Variants in PRUNE2 observed in about 807,000 individuals in gnomAD.
PRUNE2 encodes prune homolog 2 with BCH domain, also known as protein prune homolog 2.
Under a neutral mutation model 252.0 loss-of-function variants are expected in PRUNE2, and 164 were observed. That is an observed-to-expected ratio of 0.65 (90% confidence interval 0.57 to 0.74). The LOEUF is 0.74. Among genes scored for constraint, PRUNE2 ranks in the 30% least tolerant of loss-of-function variants. The pLI is 0.00. For missense variants in PRUNE2, 3,495 were observed against 3,711.0 expected, an observed-to-expected ratio of 0.94 and a Z score of 1.51; for synonymous variants, 1,292 against 1,350.2, an observed-to-expected ratio of 0.96 and a Z score of 0.94.
intron 9 of PRUNE2, among the ~76,000 whole-genome samples, chr9:76,658,119 G>A (rs1391763971): frequency 6.6e-6 from 1 of 152,224 alleles, no homozygotes; most frequent in Non-Finnish European, 1.5e-5. Context: ...AGCACTTTGG[G>A]AGGCTGAGGC....
At chr9:76,624,429 G>A (rs745517458) in intron 17 of PRUNE2, 23 bp downstream of exon 17, 17 of 1,400,574 alleles carry the variant, frequency 1.2e-5, no homozygotes, top group South Asian at 3.7e-5. Flanking sequence ...CATGCCAGCC[G>A]CTAAACGAAA....
intron 9 of PRUNE2, among the ~76,000 whole-genome samples, chr9:76,694,009 A>G (rs1259200198): frequency 6.6e-6 from 1 of 152,108 alleles, no homozygotes; most frequent in Non-Finnish European, 1.5e-5. Flanking sequence ...ATAACTTCGG[A>G]GCTGGTTGTA....
At chr9:76,863,887 T>C (rs1191393380) in intron 1 of PRUNE2, among the ~76,000 whole-genome samples, 1 of 152,192 alleles carries the variant, frequency 6.6e-6, no homozygotes, top group Non-Finnish European at 1.5e-5. Context: ...AGCTTGGAGA[T>C]TTCTCAAAGA....
At chr9:76,823,295 G>A (rs1324376188) in intron 6 of PRUNE2, 1 of 201,778 alleles carries the variant, frequency 5.0e-6, no homozygotes, top group Non-Finnish European at 9.9e-6. Flanking sequence ...AATACAGGGT[G>A]GTACACAGAA....
At chr9:76,876,919 T>C (rs947567694) in intron 1 of PRUNE2, among the ~76,000 whole-genome samples, 1 of 152,186 alleles carries the variant, frequency 6.6e-6, no homozygotes, top group African/African-American at 2.4e-5. Flanking sequence ...GAAAGAAAGT[T>C]GTCTCCTCAG....
At chr9:76,866,444 T>C (rs1440757244) in intron 1 of PRUNE2, among the ~76,000 whole-genome samples, 1 of 152,268 alleles carries the variant, frequency 6.6e-6, no homozygotes, top group African/African-American at 2.4e-5. Context: ...GTTATTATAG[T>C]GTCTCATTCG....
At chr9:76,886,674 A>AATAT (rs2062119181) in intron 1 of PRUNE2, among the ~76,000 whole-genome samples, 1 of 152,200 alleles carries the variant, frequency 6.6e-6, no homozygotes, top group African/African-American at 2.4e-5. Flanking sequence ...CATATTTTAA[A>AATAT]GGATTTTCAC....
At chr9:76,673,989 T>C (rs1588460591) in intron 9 of PRUNE2, among the ~76,000 whole-genome samples, 1 of 152,192 alleles carries the variant, frequency 6.6e-6, no homozygotes. Flanking sequence ...CTTTGAAAAC[T>C]GGCACAAGAC....
intron 4 of PRUNE2, among the ~76,000 whole-genome samples, chr9:76,843,041 G>T (rs538135633): frequency 6.6e-6 from 1 of 152,024 alleles, no homozygotes; most frequent in African/African-American, 2.4e-5. Context: ...ACTTATTGCC[G>T]CACTATTCAC....
At chr9:76,756,208 A>C (rs2051134060) in intron 6 of PRUNE2, among the ~76,000 whole-genome samples, 1 of 152,254 alleles carries the variant, frequency 6.6e-6, no homozygotes, top group Non-Finnish European at 1.5e-5. Flanking sequence ...GTAAGTGCAT[A>C]TGTCAAAAGG....
intron 4 of PRUNE2, among the ~76,000 whole-genome samples, chr9:76,843,579 C>T (rs1390638538): frequency 6.6e-6 from 1 of 152,130 alleles, no homozygotes; most frequent in African/African-American, 2.4e-5. Context: ...CTAAAGAGAA[C>T]TGCCCATATT....
chr9:76,674,323 A>G (rs997133386), intron 9 of PRUNE2, among the ~76,000 whole-genome samples: 2 of 152,252 alleles, frequency 1.3e-5, no homozygotes, highest in African/African-American at 4.8e-5. Flanking sequence ...AAAGAGAATA[A>G]AATACCTAGG....
chr9:76,852,624 A>T (rs1162850327), intron 2 of PRUNE2, among the ~76,000 whole-genome samples: 1 of 152,240 alleles, frequency 6.6e-6, no homozygotes, highest in Non-Finnish European at 1.5e-5. Flanking sequence ...GAAAATTTAA[A>T]TGGAGACACA....
chr9:76,673,312 G>C (rs1588452076), intron 9 of PRUNE2, among the ~76,000 whole-genome samples: 16 of 142,288 alleles, frequency 1.1e-4, no homozygotes, highest in South Asian at 4.7e-4. Flanking sequence ...AGAAGAAATG[G>C]ATAAATTCCT....
At chr9:76,746,499 A>G (rs1217605756) in intron 6 of PRUNE2, among the ~76,000 whole-genome samples, 2 of 151,532 alleles carry the variant, frequency 1.3e-5, no homozygotes, top group African/African-American at 2.4e-5. Flanking sequence ...AGGTCAGGAG[A>G]TCGAGACCAT....
At chr9:76,638,096 A>G in intron 13 of PRUNE2, 90 bp downstream of exon 13, 2 of 798,606 alleles carry the variant, frequency 2.5e-6, no homozygotes, top group Admixed American at 2.0e-5. Flanking sequence ...AACATTCTAC[A>G]TCATCTATTT....
chr9:76,781,012 C>A (rs2054330084), intron 6 of PRUNE2, among the ~76,000 whole-genome samples: 1 of 152,174 alleles, frequency 6.6e-6, no homozygotes, highest in Non-Finnish European at 1.5e-5. Context: ...CCCTAGTCCC[C>A]ATAGCCAGTC....
chr9:76,838,476 C>T (rs982066796), intron 4 of PRUNE2, among the ~76,000 whole-genome samples: 2 of 151,762 alleles, frequency 1.3e-5, no homozygotes, highest in Non-Finnish European at 2.9e-5. Context: ...AAAACCCCAT[C>T]TCTACTAAAA....
chr9:76,695,258 G>A (rs1427660918), intron 9 of PRUNE2, among the ~76,000 whole-genome samples: 3 of 141,816 alleles, frequency 2.1e-5, no homozygotes, highest in South Asian at 2.3e-4. Flanking sequence ...GGCTGGTCTC[G>A]AACTCCTCAC....
Sources: gnomAD v4.1 joint callset for allele counts (sites outside exome capture counted in the v4.1 genomes callset) on GRCh38, gnomAD v4.1.1 for gene constraint, MANE v1.5 for transcripts, NCBI Gene and HGNC (gene_info 2026-07-23, HGNC 2026-07-21) for gene names.